KLF12: variants seen among roughly 807,000 people sequenced by gnomAD.
KLF12 encodes the protein KLF transcription factor 12.
A neutral mutation model predicts 37.8 loss-of-function variants in KLF12; 9 were observed. That is an observed-to-expected ratio of 0.24 (90% CI 0.14 to 0.42). The LOEUF is 0.42. Ranked by LOEUF, KLF12 falls within the 10% of genes least tolerant of loss-of-function variation. The probability of loss-of-function intolerance (pLI) is 1.00; values close to 1 mark genes in which losing one functional copy is unlikely to be tolerated. For synonymous variants in KLF12, 208 were observed against 202.1 expected (o/e 1.03, Z -0.25); for missense variants, 411 against 516.0 (o/e 0.80, Z 1.97).
chr13:73,865,149 A>G (rs1041161385), intron 3 of KLF12, among the ~76,000 whole-genome samples: 7 of 152,168 alleles, frequency 4.6e-5, no homozygotes, highest in African/African-American at 1.7e-4. Context: ...TTCTGTTAGG[A>G]TAAAAAGAAA....
In KLF12 at chr13:73,687,885, G is replaced by A. The variant is rs917041030; in HGVS notation, c.*7605C>T. ...ATCCAGAAAGAAAAAGTACTGAGGCGACTGTTTCCACTATTGATCTCTTTT... is the reference window on the plus strand; with the variant it reads ...ATCCAGAAAGAAAAAGTACTGAGGCAACTGTTTCCACTATTGATCTCTTTT... On this transcript the variant is annotated 3_prime_UTR_variant, in exon 8 of 8. Coordinates refer to ENST00000377669, the MANE Select transcript of KLF12 (RefSeq NM_007249.5). 3.3e-5 allele frequency: 5 copies of A among 152,150 alleles called. No homozygotes were observed. Among genetic ancestry groups the A allele is most frequent in the Non-Finnish European group, 5.9e-5 (4 of 68,026 alleles). The allele number at this position is 152,150 out of a possible 1,614,324, so 9.4% of individuals were successfully genotyped here.
At chr13:74,055,319 C>A (rs1873185410) in intron 1 of KLF12, among the ~76,000 whole-genome samples, 1 of 152,150 alleles carries the variant, frequency 6.6e-6, no homozygotes, top group Admixed American at 6.5e-5. Flanking sequence ...AAAACCCTAG[C>A]TGTAAAGCAA....
chr13:73,697,286 A>G (rs1372472320), intron 7 of KLF12, among the ~76,000 whole-genome samples: 2 of 152,192 alleles, frequency 1.3e-5, no homozygotes, highest in African/African-American at 2.4e-5. Flanking sequence ...CTTTCAGAAG[A>G]GAGTGAATAG....
chr13:73,843,464 C>T (rs1467094458), intron 4 of KLF12, among the ~76,000 whole-genome samples: 4 of 152,014 alleles, frequency 2.6e-5, no homozygotes, highest in Non-Finnish European at 5.9e-5. Flanking sequence ...TGCGCCACCA[C>T]CCCTGGCTAA....
chr13:73,737,722 G>A (rs1877562354), intron 6 of KLF12, among the ~76,000 whole-genome samples: 1 of 152,122 alleles, frequency 6.6e-6, no homozygotes, highest in South Asian at 2.1e-4. Flanking sequence ...TTATGGATAT[G>A]TGGAAATATA....
At position 73,954,642 on chromosome 13, in the gene KLF12, T is replaced by C. The variant is rs185775547; in HGVS notation, c.34-10572A>G. On this transcript the variant is annotated intron_variant, in intron 2 of 7. Transcript: ENST00000377669. ...GACACCTAACAAGAATGGCCATGCC[T>C]TTCCTCTTTTTCCCACCAACACTCT... Among the ~76,000 whole-genome samples the C allele has an allele frequency of 2.9e-3, 446 of 152,314 alleles. 3 individuals carry two copies. Among genetic ancestry groups the C allele is most frequent in the Middle Eastern group, 6.8e-3 (2 of 294 alleles).
At chr13:74,111,118 A>G (rs1262131548) in intron 1 of KLF12, among the ~76,000 whole-genome samples, 1 of 151,204 alleles carries the variant, frequency 6.6e-6, no homozygotes, top group Non-Finnish European at 1.5e-5. Flanking sequence ...CCACCATTGC[A>G]CTCCAGCCTG....
intron 1 of KLF12, among the ~76,000 whole-genome samples, chr13:74,028,533 C>T (rs969775763): frequency 6.6e-6 from 1 of 151,922 alleles, no homozygotes; most frequent in Non-Finnish European, 1.5e-5. Context: ...CTTATAGCTA[C>T]AATATATATA....
intron 3 of KLF12, among the ~76,000 whole-genome samples, chr13:73,942,652 G>A (rs1300621690): frequency 6.6e-5 from 10 of 152,072 alleles, no homozygotes; most frequent in Admixed American, 5.9e-4. Flanking sequence ...TAATTGCCAC[G>A]GTCTTCTCCT....
At chr13:74,245,981 T>C in the KLF12 span, among the ~76,000 whole-genome samples, 1 of 152,234 alleles carries the variant, frequency 6.6e-6, no homozygotes, top group Non-Finnish European at 1.5e-5. Context: ...AGAAGGGTTA[T>C]TGTTGGTAAT....
intron 4 of KLF12, among the ~76,000 whole-genome samples, chr13:73,843,165 GT>G (rs1419645461): frequency 6.6e-6 from 1 of 151,978 alleles, no homozygotes; most frequent in Non-Finnish European, 1.5e-5. Flanking sequence ...AATTCAACAA[GT>G]TTTTGTTCCT....
chr13:73,743,266 T>C (rs539351875), intron 6 of KLF12, among the ~76,000 whole-genome samples: 1 of 152,122 alleles, frequency 6.6e-6, no homozygotes, highest in African/African-American at 2.4e-5. Flanking sequence ...AAACTGGGAG[T>C]GAGGAGTTAG....
At chr13:73,744,760 G>A (rs770821549) in intron 6 of KLF12, among the ~76,000 whole-genome samples, 1 of 152,154 alleles carries the variant, frequency 6.6e-6, no homozygotes, top group Non-Finnish European at 1.5e-5. Context: ...CCTGCATCAG[G>A]ACATGAAAAA....
At chr13:74,218,940 A>G in the KLF12 span, among the ~76,000 whole-genome samples, 1 of 147,600 alleles carries the variant, frequency 6.8e-6, no homozygotes, top group Non-Finnish European at 1.5e-5. Context: ...ACTTTTCTGG[A>G]TGTAAACTTA....
chr13:74,079,651 C>T (rs1030828542), intron 1 of KLF12, among the ~76,000 whole-genome samples: 1 of 152,178 alleles, frequency 6.6e-6, no homozygotes, highest in African/African-American at 2.4e-5. Flanking sequence ...AACTAGCTTA[C>T]CATCAGAATC....
chr13:73,952,784 G>A (rs192326117), intron 2 of KLF12, among the ~76,000 whole-genome samples: 8 of 152,292 alleles, frequency 5.3e-5, no homozygotes, highest in East Asian at 3.9e-4. Flanking sequence ...AAGTTTAAGC[G>A]TTGTTTACAG....
the KLF12 span, among the ~76,000 whole-genome samples, chr13:74,277,960 G>T: frequency 6.6e-6 from 1 of 152,116 alleles, no homozygotes; most frequent in Non-Finnish European, 1.5e-5. Flanking sequence ...TTCCCTTCAG[G>T]GTTAGAGCTG....
chr13:74,091,140 T>C lies in KLF12; in HGVS notation c.-32+42599A>G, dbSNP rs187913191. The stretch of plus-strand genomic sequence containing the variant: ...ACTGTATGAAAAATCAAGAGTCTTT[T>C]TAACAAATGGAGCTCAGATAACTGG... On this transcript the variant is annotated intron_variant, in intron 1 of 7. Coordinates refer to ENST00000377669, the MANE Select transcript of KLF12 (RefSeq NM_007249.5). 1.4e-4 allele frequency among the ~76,000 whole-genome samples: 21 copies of C among 152,270 alleles called. No individual in the cohort carries two copies. The East Asian group carries it at 4.0e-3, about 29-fold the overall frequency.
At chr13:73,808,703 G>A (rs376459298) in intron 5 of KLF12, among the ~76,000 whole-genome samples, 2 of 152,108 alleles carry the variant, frequency 1.3e-5, no homozygotes, top group Non-Finnish European at 2.9e-5. Flanking sequence ...GAATGTTCAC[G>A]CTATATAAAT....
Sources: allele counts gnomAD v4.1 joint callset (sites outside exome capture counted in the v4.1 genomes callset), GRCh38; gene constraint gnomAD v4.1.1; transcripts MANE v1.5; gene names NCBI Gene and HGNC (gene_info 2026-07-23, HGNC 2026-07-21).